LMBR1: variants seen among roughly 807,000 people sequenced by gnomAD.
LMBR1 encodes the protein limb region 1 protein homolog.
LMBR1 carries 52 observed loss-of-function variants against 73.9 expected under a neutral mutation model. That is an observed-to-expected ratio of 0.70 (90% CI 0.56 to 0.89). LMBR1 has a LOEUF of 0.89. Among genes scored for constraint, LMBR1 ranks in the 40% least tolerant of loss-of-function variants. LMBR1 has a pLI of 0.00. For missense variants in LMBR1, 539 were observed against 579.8 expected, an observed-to-expected ratio of 0.93 and a Z score of 0.72; for synonymous variants, 215 against 209.4, an observed-to-expected ratio of 1.03 and a Z score of -0.23.
At chr7:156,831,062 G>A (rs1227303026) in intron 3 of LMBR1, among the ~76,000 whole-genome samples, 1 of 152,180 alleles carries the variant, frequency 6.6e-6, no homozygotes, top group African/African-American at 2.4e-5. Flanking sequence ...AGGACACACA[G>A]GTTTCAATAT....
downstream of LMBR1, chr7:156,676,124 T>C: frequency 3.4e-6 from 3 of 884,752 alleles, no homozygotes; most frequent in South Asian, 3.8e-5. Context: ...TCATGGGCTT[T>C]AGGGTGACGG....
chr7:156,824,722 G>A (rs1272995681), intron 4 of LMBR1, among the ~76,000 whole-genome samples: 1 of 152,050 alleles, frequency 6.6e-6, no homozygotes, highest in African/African-American at 2.4e-5. Flanking sequence ...TCACACACCT[G>A]CAGTTCCAGC....
intron 1 of LMBR1, among the ~76,000 whole-genome samples, chr7:156,850,153 T>C (rs1402086548): frequency 6.6e-6 from 1 of 152,204 alleles, no homozygotes; most frequent in African/African-American, 2.4e-5. Context: ...CCTCATAAAC[T>C]GACTAATGTT....
intron 9 of LMBR1, among the ~76,000 whole-genome samples, 185 bp from the exon 10 acceptor site, chr7:156,734,442 A>T (rs1311225473): frequency 6.6e-6 from 1 of 152,196 alleles, no homozygotes; most frequent in East Asian, 1.9e-4. Flanking sequence ...CTTGCTGATT[A>T]AACACTACAC....
At chr7:156,714,284 T>C (rs1812721571) in intron 15 of LMBR1, among the ~76,000 whole-genome samples, 1 of 152,240 alleles carries the variant, frequency 6.6e-6, no homozygotes, top group Non-Finnish European at 1.5e-5. Context: ...AAGTGTTATA[T>C]GAGAGTGCAC....
chr7:156,808,934 C>T (rs1832628516), intron 4 of LMBR1, among the ~76,000 whole-genome samples: 1 of 152,180 alleles, frequency 6.6e-6, no homozygotes, highest in South Asian at 2.1e-4. Context: ...AGTGTGCTTC[C>T]GTGGCTTTCC....
intron 4 of LMBR1, among the ~76,000 whole-genome samples, chr7:156,821,528 T>C (rs1049714178): frequency 1.5e-4 from 23 of 152,212 alleles, no homozygotes; most frequent in Admixed American, 7.2e-4. Context: ...AAATGTGTGA[T>C]TATTACATAT....
chr7:156,811,205 T>C (rs1833037727), intron 4 of LMBR1, among the ~76,000 whole-genome samples: 1 of 151,980 alleles, frequency 6.6e-6, no homozygotes, highest in Non-Finnish European at 1.5e-5. Context: ...TTATATACTT[T>C]CACATCACAT....
Position 156,892,978 on chromosome 7 carries a change from C to T in LMBR1, c.16G>A (p.Glu6Lys), listed in dbSNP as rs139646169. 9.8e-4 allele frequency: 1,510 copies of T among 1,539,944 alleles called. 1 individual carries two copies. The highest frequency in any genetic ancestry group is 1.2e-3 in the Non-Finnish European group (1,394 of 1,150,568). ...AAGTGCTGCTCCCGCGCCGACACCT[C>T]GTCCTGCCCTTCCATCCTCCTTCAT... is the stretch of plus-strand genomic sequence containing the variant. Reference protein sequence around the residue: MEGQDEVSAREQHFHS... With the variant: MEGQDKVSAREQHFHS... Residue 6 changes from glutamate (E) to lysine (K), a missense_variant, in exon 1 of 17, where the codon GAG becomes AAG. This residue lies in a region of LMBR1 where 454 missense variants were observed against 473.4 expected (regional missense o/e 0.96). Transcript: ENST00000353442.
At chr7:156,675,670 C>T (rs1363926823), downstream of LMBR1, 4 of 1,599,702 alleles carry the variant, frequency 2.5e-6, no homozygotes, top group Non-Finnish European at 3.4e-6. Context: ...CAGGTGTGAG[C>T]TTACCCGCCC....
At chr7:156,877,559 G>A (rs184453093) in intron 1 of LMBR1, among the ~76,000 whole-genome samples, 33 of 152,258 alleles carry the variant, frequency 2.2e-4, no homozygotes, top group Non-Finnish European at 4.3e-4. Context: ...GATCAAGTGG[G>A]TTTCATACCA....
intron 8 of LMBR1, among the ~76,000 whole-genome samples, 158 bp downstream of exon 8, chr7:156,761,976 C>CAAAAAAAAAA (rs552712592): frequency 3.8e-5 from 4 of 104,182 alleles, no homozygotes; most frequent in South Asian, 3.1e-4. Flanking sequence ...GACTCTGTCT[C>CAAAAAAAAAA]AAAAAAAAAA....
At chr7:156,713,612 G>A (rs367605516) in intron 15 of LMBR1, among the ~76,000 whole-genome samples, 8 of 152,144 alleles carry the variant, frequency 5.3e-5, no homozygotes, top group African/African-American at 1.9e-4. Flanking sequence ...TGGAGCTGAT[G>A]GTGGATAGGG....
At chr7:156,813,605 A>C (rs980796411) in intron 4 of LMBR1, among the ~76,000 whole-genome samples, 2 of 152,178 alleles carry the variant, frequency 1.3e-5, no homozygotes, top group Non-Finnish European at 2.9e-5. Flanking sequence ...TAACTATTCC[A>C]GTATACATTT....
chr7:156,718,874 T>A (rs1166682235), intron 15 of LMBR1, among the ~76,000 whole-genome samples: 2 of 151,938 alleles, frequency 1.3e-5, no homozygotes, highest in East Asian at 1.9e-4. Context: ...TTTTTTTTTT[T>A]ACATAAAAAT....
chr7:156,694,452 G>A (rs1807863945), intron 15 of LMBR1, among the ~76,000 whole-genome samples: 1 of 152,038 alleles, frequency 6.6e-6, no homozygotes, highest in Non-Finnish European at 1.5e-5. Context: ...GATATTTTTA[G>A]AAACCCACAG....
intron 15 of LMBR1, among the ~76,000 whole-genome samples, chr7:156,693,210 A>G (rs1807586379): frequency 3.9e-5 from 6 of 152,168 alleles, no homozygotes. Context: ...AATCTTTCAA[A>G]TATGATGAAA....
At chr7:156,746,919 G>A (rs893923756) in intron 9 of LMBR1, among the ~76,000 whole-genome samples, 6 of 152,102 alleles carry the variant, frequency 3.9e-5, no homozygotes, top group Non-Finnish European at 7.4e-5. Context: ...AATGTCCAGT[G>A]TCAGCATTGT....
At chr7:156,803,016 A>G (rs1831288557) in intron 4 of LMBR1, among the ~76,000 whole-genome samples, 1 of 152,198 alleles carries the variant, frequency 6.6e-6, no homozygotes, top group African/African-American at 2.4e-5. Context: ...TGGATTAAAG[A>G]CTTACATGTT....
Sources: allele counts gnomAD v4.1 joint callset (sites outside exome capture counted in the v4.1 genomes callset), GRCh38; gene constraint gnomAD v4.1.1; regional missense constraint gnomAD v4.1.1; transcripts MANE v1.5; gene names NCBI Gene and HGNC (gene_info 2026-07-23, HGNC 2026-07-21).